ANKRD31: variants seen among roughly 807,000 people sequenced by gnomAD.
The protein encoded by ANKRD31 is ankyrin repeat domain 31.
Under a neutral mutation model 186.0 loss-of-function variants are expected in ANKRD31, and 147 were observed. That is an observed-to-expected ratio of 0.79 (90% CI 0.69 to 0.91). The LOEUF (loss-of-function observed/expected upper bound fraction) is 0.91. Among genes scored for constraint, ANKRD31 ranks in the 40% least tolerant of loss-of-function variants. The pLI is 0.00. For missense variants in ANKRD31, 1,986 were observed against 2,148.8 expected (o/e 0.92, Z 1.50); for synonymous variants, 673 against 736.4 (o/e 0.91, Z 1.39).
At chr5:75,177,849 CA>C (rs1753938887) in intron 10 of ANKRD31, among the ~76,000 whole-genome samples, 1 of 152,126 alleles carries the variant, frequency 6.6e-6, no homozygotes, top group Admixed American at 6.5e-5. Context: ...AACCAGCTAA[CA>C]TCATAATAAC....
Position 75,105,104 on chromosome 5 carries a change from T to C in ANKRD31, c.4455A>G (p.Lys1485=). The stretch of plus-strand genomic sequence containing the variant: ...ATGTAACATTCCTACAGTTTTGAAT[T>C]TTCAGGCTTATTTTTTTCTGTTTTT... The part of the protein sequence containing the change: ...VAKKQKKISL[K]IQNCRNVTSL... Residue 1485 remains lysine, a synonymous_variant, in exon 22 of 26, where the codon AAA becomes AAG. Coordinates refer to ENST00000506364, the MANE Select transcript of ANKRD31 (RefSeq NM_001372053.1). The C allele has an allele frequency of 6.5e-7, 1 of 1,537,130 alleles. No individual in the cohort carries two copies. Among genetic ancestry groups the C allele is most frequent in the Non-Finnish European group, 8.7e-7 (1 of 1,146,854 alleles).
At chr5:75,150,546 A>G (rs940241074) in intron 12 of ANKRD31, among the ~76,000 whole-genome samples, 2 of 152,030 alleles carry the variant, frequency 1.3e-5, no homozygotes, top group African/African-American at 4.8e-5. Context: ...GTGAAGCATG[A>G]TAACACAACC....
intron 24 of ANKRD31, among the ~76,000 whole-genome samples, chr5:75,083,380 A>G (rs1302060156): frequency 1.3e-5 from 2 of 152,194 alleles, no homozygotes; most frequent in African/African-American, 2.4e-5. Context: ...CAGGTGCTCA[A>G]ACAAATATAC....
At chr5:75,197,366 A>G (rs1403596435) in intron 6 of ANKRD31, among the ~76,000 whole-genome samples, 4 of 152,224 alleles carry the variant, frequency 2.6e-5, no homozygotes, top group Non-Finnish European at 4.4e-5. Context: ...ATGGGTTTCA[A>G]TGACTTTGGT....
chr5:75,156,154 C>T (rs1752156185), intron 11 of ANKRD31, among the ~76,000 whole-genome samples: 1 of 152,132 alleles, frequency 6.6e-6, no homozygotes, highest in Non-Finnish European at 1.5e-5. Context: ...ATCCACTCAC[C>T]TCGGCCTCCC....
At chr5:75,096,009 T>A (rs1283713623) in intron 22 of ANKRD31, among the ~76,000 whole-genome samples, 1 of 152,166 alleles carries the variant, frequency 6.6e-6, no homozygotes, top group Non-Finnish European at 1.5e-5. Context: ...ATAGAAAACT[T>A]CACCTAACAA....
intron 23 of ANKRD31, among the ~76,000 whole-genome samples, chr5:75,088,330 T>G (rs905872243): frequency 6.6e-6 from 1 of 152,176 alleles, no homozygotes. Flanking sequence ...CAGGGAGGCA[T>G]CCGGATGGGA....
At chr5:75,145,293 G>A (rs534825859) in intron 14 of ANKRD31, among the ~76,000 whole-genome samples, 1 of 152,192 alleles carries the variant, frequency 6.6e-6, no homozygotes, top group South Asian at 2.1e-4. Flanking sequence ...GTACATGTAT[G>A]TTTATTGTGG....
At chr5:75,147,570 G>T in intron 13 of ANKRD31, 65 bp from the exon 14 acceptor site, 3 of 1,016,568 alleles carry the variant, frequency 3.0e-6, no homozygotes, top group Non-Finnish European at 4.0e-6. Flanking sequence ...ATTCAATCTG[G>T]ATTATTGATA....
intron 12 of ANKRD31, among the ~76,000 whole-genome samples, chr5:75,152,056 G>A (rs988134235): frequency 6.6e-6 from 1 of 151,972 alleles, no homozygotes; most frequent in African/African-American, 2.4e-5. Flanking sequence ...TGTTTTGCCT[G>A]CCCAGCACAT....
intron 3 of ANKRD31, among the ~76,000 whole-genome samples, chr5:75,213,574 A>G (rs1270351015): frequency 6.6e-6 from 1 of 152,200 alleles, no homozygotes; most frequent in Non-Finnish European, 1.5e-5. Flanking sequence ...GCAAGAATAC[A>G]TGTCAATCAA....
At chr5:75,211,336 A>G (rs1360981931) in intron 3 of ANKRD31, among the ~76,000 whole-genome samples, 1 of 152,202 alleles carries the variant, frequency 6.6e-6, no homozygotes, top group Non-Finnish European at 1.5e-5. Flanking sequence ...CCATTTTAAG[A>G]CTGAATAATA....
chr5:75,224,164 TATATATATATATATAC>T (rs1485823746), intron 2 of ANKRD31, among the ~76,000 whole-genome samples: 13 of 106,066 alleles, frequency 1.2e-4, no homozygotes, highest in African/African-American at 2.6e-4. Context: ...TATATATGTA[TATATATATATATATAC>T]ACACATTTCT....
At chr5:75,119,662 A>G (rs1047987981) in intron 17 of ANKRD31, among the ~76,000 whole-genome samples, 1 of 152,200 alleles carries the variant, frequency 6.6e-6, no homozygotes, top group African/African-American at 2.4e-5. Context: ...TCTCTGAGAA[A>G]TCTCCAAACT....
intron 11 of ANKRD31, among the ~76,000 whole-genome samples, chr5:75,156,328 TATGTATGTGTGC>T: frequency 6.6e-6 from 1 of 152,320 alleles, no homozygotes; most frequent in South Asian, 2.1e-4. Flanking sequence ...GATGTGTGTG[TATGTATGTGTGC>T]ATGTCCTTCT....
At chr5:75,157,317 C>T (rs779392031) in intron 11 of ANKRD31, among the ~76,000 whole-genome samples, 2 of 152,152 alleles carry the variant, frequency 1.3e-5, no homozygotes, top group East Asian at 3.9e-4. Context: ...GAAAGCAGAA[C>T]TTATAAATGC....
At chr5:75,168,884 TA>T in intron 11 of ANKRD31, 94 bp downstream of exon 11, 2 of 1,239,314 alleles carry the variant, frequency 1.6e-6, no homozygotes, top group Non-Finnish European at 2.1e-6. Context: ...GAAATTAAAC[TA>T]AAATTTCTGT....
At chr5:75,132,866 A>G (rs928023637) in intron 17 of ANKRD31, among the ~76,000 whole-genome samples, 15 of 152,172 alleles carry the variant, frequency 9.9e-5, no homozygotes, top group Admixed American at 5.9e-4. Flanking sequence ...AATATTCAAC[A>G]TTCTTAAAAA....
chr5:75,221,468 A>C (rs552405030), intron 3 of ANKRD31, among the ~76,000 whole-genome samples: 86 of 152,306 alleles, frequency 5.6e-4, no homozygotes, highest in African/African-American at 2.0e-3. Context: ...TATCTTCTTC[A>C]CAAGTTTAAG....
Sources: allele counts gnomAD v4.1 joint callset (sites outside exome capture counted in the v4.1 genomes callset), GRCh38; gene constraint gnomAD v4.1.1; transcripts MANE v1.5; gene names NCBI Gene and HGNC (gene_info 2026-07-23, HGNC 2026-07-21).